The following PLG variants were observed in gnomAD, a reference collection of about 807,000 sequenced individuals.
The protein encoded by PLG is plasmin.
In PLG, 41 loss-of-function variants were observed where a neutral mutation model predicts 104.4. The ratio of observed to expected loss-of-function variants is 0.39; its 90% confidence interval spans 0.31 to 0.51. The LOEUF (loss-of-function observed/expected upper bound fraction) is 0.51, where lower values mean the gene tolerates loss of function less well. PLG is among the 20% of genes least tolerant of loss of function. The pLI is 0.76. For missense variants in PLG, 891 were observed against 1,003.6 expected (o/e 0.89, Z 1.52); for synonymous variants, 337 against 357.1 (o/e 0.94, Z 0.63).
At position 160,734,189 on chromosome 6, in the gene PLG, A is replaced by G; in HGVS notation, c.1681+101A>G. 2 of 694,740 alleles carry G rather than the reference A, an allele frequency of 2.9e-6. No homozygotes were observed. The highest frequency in any genetic ancestry group is 1.5e-5 in the South Asian group (1 of 67,630). 43.0% of individuals were successfully genotyped at this position (694,740 alleles called of 1,614,324 possible). A position where few individuals can be genotyped will look rare whatever the true frequency, so the allele number is the denominator to read the frequency against. On this transcript the variant is annotated intron_variant, in intron 13 of 18. Coordinates refer to ENST00000308192, the MANE Select transcript of PLG (RefSeq NM_000301.5). The surrounding 1 kb of genome is among the most constrained non-coding windows in gnomAD (Gnocchi z 4.4). ...AGCAGACTGCTTCTGGGGAGGAGAT[A>G]GCTGCCCTCTCCATCAGACCCCACT... is the stretch of plus-strand genomic sequence containing the variant.
In PLG at chr6:160,741,037, C is replaced by T. The variant is rs924987355; in HGVS notation, c.2019-274C>T. On this transcript the variant is annotated intron_variant, in intron 16 of 18. Transcript: ENST00000308192. The surrounding 1 kb of genome is among the most constrained non-coding windows in gnomAD (Gnocchi z 4.7). The stretch of plus-strand genomic sequence containing the variant: ...GTGCACAGAATATACATGAGAAGTG[C>T]GCCTTTGTCATCCCTACTTTCAAAG... Among the ~76,000 whole-genome samples the T allele has an allele frequency of 3.3e-5, 5 of 152,320 alleles. No individual in the cohort carries two copies. The highest frequency in any genetic ancestry group is 2.1e-4 in the South Asian group (1 of 4,826).
At chr6:160,748,036 G>A (rs1778305974) in intron 17 of PLG, among the ~76,000 whole-genome samples, 2 of 152,156 alleles carry the variant, frequency 1.3e-5, no homozygotes, top group South Asian at 4.2e-4. Flanking sequence ...GCTGGGTGCA[G>A]TGGCTCACGC....
intron 7 of PLG, among the ~76,000 whole-genome samples, chr6:160,717,023 A>G (rs1363284029): frequency 6.6e-6 from 1 of 152,234 alleles, no homozygotes; most frequent in Admixed American, 6.5e-5. Flanking sequence ...ACTGAAATGT[A>G]GGCTTTAGGT....
At chr6:160,749,129 T>A (rs995937943) in intron 17 of PLG, among the ~76,000 whole-genome samples, 1 of 152,230 alleles carries the variant, frequency 6.6e-6, no homozygotes, top group African/African-American at 2.4e-5. Context: ...TAAAGATCTG[T>A]GTGTGAGTTC....
chr6:160,718,057 C>T (rs1777770194), intron 7 of PLG, among the ~76,000 whole-genome samples: 1 of 152,130 alleles, frequency 6.6e-6, no homozygotes. Context: ...CAAGACCAAC[C>T]TGGCCAATAT....
intron 1 of PLG, chr6:160,706,159 T>A: frequency 1.8e-6 from 1 of 545,402 alleles, no homozygotes; most frequent in South Asian, 2.1e-5. Flanking sequence ...TTTCAGCCCT[T>A]GCCTTGCTCC....
rs1778415443 is a variant in PLG, at chr6:160,752,229, G to C, written c.2240G>C (p.Gly747Ala). 6.2e-7 allele frequency: 1 copy of C among 1,613,924 alleles called. No individual in the cohort carries two copies. Among genetic ancestry groups the C allele is most frequent in the African/African-American group, 1.3e-5 (1 of 74,910 alleles). The change falls in exon 18 of 19, where the codon GGG becomes GCG. Residue 747 changes from glycine (G) to alanine (A), a missense_variant. Gly to Ala is a moderately conservative substitution (Grantham distance 60). Transcript: ENST00000308192. The surrounding 1 kb of genome is among the most constrained non-coding windows in gnomAD (Gnocchi z 4.7). ...GRVQSTELCA[G>A]HLAGGTDSCQ... ...GTCCAATCCACCGAACTCTGTGCTG[G>C]GCATTTGGCCGGAGGCACTGACAGT...
Position 160,726,272 on chromosome 6 carries a change from G to C in PLG, c.1256+3705G>C, listed in dbSNP as rs1264979219. Among the ~76,000 whole-genome samples the C allele has an allele frequency of 1.3e-5, 2 of 151,752 alleles. No homozygotes were observed. The highest frequency in any genetic ancestry group is 4.8e-5 in the African/African-American group (2 of 41,332). On this transcript the variant is annotated intron_variant, in intron 10 of 18. Transcript: ENST00000308192. This position sits in a 1 kb window ranked among gnomAD's most constrained non-coding sequence, Gnocchi z 4.4. ...TTTTGAGCAAAACAGAATTAAATGA[G>C]ATATAAATAACAAAAAAATTGGGAA... is the stretch of plus-strand genomic sequence containing the variant.
At position 160,752,764 on chromosome 6, in the gene PLG, T is replaced by C. The variant is rs1328070915; in HGVS notation, c.2272-136T>C. On this transcript the variant is annotated intron_variant, in intron 18 of 18. Transcript: ENST00000308192. This position sits in a 1 kb window ranked among gnomAD's most constrained non-coding sequence, Gnocchi z 4.7. ...TAAGTACTTAAGCACTGCAGATGCT[T>C]GAGTAATATGCTCATAAGTTCCTTT... The C allele has an allele frequency of 2.8e-6, 3 of 1,088,888 alleles. No homozygotes were observed. In the African/African-American group the frequency reaches 4.7e-5, roughly 17 times the overall value. The allele number at this position is 1,088,888 out of a possible 1,614,324, so 67.5% of individuals were successfully genotyped here.
At position 160,711,099 on chromosome 6, in the gene PLG, T is replaced by A. The variant is rs779846532; in HGVS notation, c.315T>A (p.Thr105=). Residue 105 remains threonine (T), a synonymous_variant, in exon 4 of 19, where the codon ACT becomes ACA. Transcript: ENST00000308192. ...CAGTGTATCTCTCAGAGTGCAAGAC[T>A]GGGAATGGAAAGAACTACAGAGGGA... The part of the protein sequence containing the change: ...EKKVYLSECK[T]GNGKNYRGTM... 18 of 1,612,670 alleles carry A rather than the reference T, an allele frequency of 1.1e-5. No homozygotes were observed. The highest frequency in any genetic ancestry group is 3.4e-6 in the Non-Finnish European group (4 of 1,178,830).
rs1238422865 is a variant in PLG at position 160,742,566 on chromosome 6, T to C, written c.2125+1149T>C. Among the ~76,000 whole-genome samples, 5 of 152,216 alleles carry C rather than the reference T, an allele frequency of 3.3e-5. No individual in the cohort carries two copies. The East Asian group carries it at 7.7e-4, about 23-fold the overall frequency. ...GGATATTAGACCTTTTTCAGGTGCA[T>C]AGTTTGCAAATATTTTCTCCTGTTC... On this transcript the variant is annotated intron_variant, in intron 17 of 18. Transcript: ENST00000308192.
chr6:160,743,091 T>C (rs1240361908), intron 17 of PLG, among the ~76,000 whole-genome samples: 1 of 151,950 alleles, frequency 6.6e-6, no homozygotes, highest in Non-Finnish European at 1.5e-5. Context: ...CCAGGTAATG[T>C]GATGTCTCCA....
intron 1 of PLG, among the ~76,000 whole-genome samples, chr6:160,703,932 G>C (rs952066794): frequency 2.6e-5 from 4 of 152,198 alleles, no homozygotes; most frequent in African/African-American, 9.7e-5. Context: ...CAATGCCCGG[G>C]GAGAGGGAAA....
In PLG at chr6:160,734,490, T is replaced by C. The variant is rs1778054238; in HGVS notation, c.1681+402T>C. On this transcript the variant is annotated intron_variant, in intron 13 of 18. Transcript: ENST00000308192. The surrounding 1 kb of genome is among the most constrained non-coding windows in gnomAD (Gnocchi z 4.4). ...ACAAACAGCAGGAAACAGGTAAGCA[T>C]GTAACGCACATTGTAAACCTCAGAT... Among the ~76,000 whole-genome samples, 1 of 152,106 alleles carries C rather than the reference T, an allele frequency of 6.6e-6. No individual in the cohort carries two copies. Among genetic ancestry groups the C allele is most frequent in the South Asian group, 2.1e-4 (1 of 4,828 alleles).
At chr6:160,712,011 C>T in intron 4 of PLG, 2 of 833,734 alleles carry the variant, frequency 2.4e-6, no homozygotes, top group South Asian at 2.2e-5. Context: ...GCTTGTTACT[C>T]ACCTTTATCC....
rs1258265892 is a variant in PLG at position 160,711,067 on chromosome 6, T to G, written c.293-10T>G. ...GAAAGACTTTGACCACTGTGTGGAC[T>G]TCCCTTCAGTGTATCTCTCAGAGTG... On this transcript the variant is annotated splice_polypyrimidine_tract_variant and intron_variant, in intron 3 of 18. Transcript: ENST00000308192. The G allele has an allele frequency of 4.3e-6, 7 of 1,612,900 alleles. No individual in the cohort carries two copies. Among genetic ancestry groups the G allele is most frequent in the Admixed American group, 1.7e-5 (1 of 59,994 alleles).
chr6:160,732,582 G>A lies in PLG; in HGVS notation c.1587+689G>A, dbSNP rs757827509. 1.2e-4 allele frequency among the ~76,000 whole-genome samples: 18 copies of A among 152,326 alleles called. No homozygotes were observed. Among genetic ancestry groups the A allele is most frequent in the South Asian group, 2.1e-4 (1 of 4,828 alleles). On this transcript the variant is annotated intron_variant, in intron 12 of 18. Transcript: ENST00000308192. The surrounding 1 kb of genome is among the most constrained non-coding windows in gnomAD (Gnocchi z 4.5). ...CCCACAAGACCGCCCCACTGCAGAT[G>A]CCAATCCCAAGTTCCAGGCGGTGAC...
intron 10 of PLG, among the ~76,000 whole-genome samples, chr6:160,729,864 T>C (rs1053300600): frequency 1.1e-4 from 17 of 152,344 alleles, no homozygotes; most frequent in African/African-American, 3.8e-4. Flanking sequence ...TTAAGATCTG[T>C]GCATTTCACA....
chr6:160,721,649 G>C (rs1777830870), intron 9 of PLG, among the ~76,000 whole-genome samples: 1 of 152,178 alleles, frequency 6.6e-6, no homozygotes, highest in African/African-American at 2.4e-5. Flanking sequence ...GCTGTTTCTT[G>C]TTACTGAATG....
Sources: allele counts gnomAD v4.1 joint callset (sites outside exome capture counted in the v4.1 genomes callset), GRCh38; gene constraint gnomAD v4.1.1; non-coding constraint Gnocchi (gnomAD v3.1); transcripts MANE v1.5; gene names NCBI Gene and HGNC (gene_info 2026-07-23, HGNC 2026-07-21).